EBF1: variants seen among roughly 807,000 people sequenced by gnomAD.
EBF1 encodes transcription factor COE1.
Under a neutral mutation model 68.4 loss-of-function variants are expected in EBF1, and 10 were observed. That is an observed-to-expected ratio of 0.15 (90% CI 0.09 to 0.25). The LOEUF is 0.25. EBF1 is among the 10% of genes least tolerant of loss of function. The pLI is 1.00. For synonymous variants in EBF1, 298 were observed against 299.8 expected, an observed-to-expected ratio of 0.99 and a Z score of 0.06; for missense variants, 509 against 794.4, an observed-to-expected ratio of 0.64 and a Z score of 4.32.
At chr5:159,041,331 A>C (rs1771160951) in intron 6 of EBF1, among the ~76,000 whole-genome samples, 1 of 152,182 alleles carries the variant, frequency 6.6e-6, no homozygotes, top group African/African-American at 2.4e-5. Context: ...TTCTCAGAGG[A>C]ATAGGTTTTT....
chr5:159,077,402 C>T (rs534168602), intron 5 of EBF1, among the ~76,000 whole-genome samples: 1 of 152,226 alleles, frequency 6.6e-6, no homozygotes, highest in Non-Finnish European at 1.5e-5. Context: ...TCGTGCCATT[C>T]CAGCCTGGGT....
chr5:159,088,161 AT>A (rs1461831464), intron 4 of EBF1, among the ~76,000 whole-genome samples: 1 of 152,148 alleles, frequency 6.6e-6, no homozygotes, highest in African/African-American at 2.4e-5. Context: ...ACTGAAAAGT[AT>A]TGTTAAACAC....
At chr5:158,808,307 T>C (rs1463264056) in intron 8 of EBF1, among the ~76,000 whole-genome samples, 2 of 152,178 alleles carry the variant, frequency 1.3e-5, no homozygotes, top group Non-Finnish European at 2.9e-5. Flanking sequence ...CGCACTTGCC[T>C]GTTTGTGATT....
chr5:158,956,259 T>A (rs1417890959), intron 6 of EBF1, among the ~76,000 whole-genome samples: 1 of 152,154 alleles, frequency 6.6e-6, no homozygotes, highest in African/African-American at 2.4e-5. Context: ...TGCTGCAGTT[T>A]CCTTTCACTG....
intron 6 of EBF1, among the ~76,000 whole-genome samples, chr5:158,919,685 G>T (rs1327142547): frequency 2.0e-5 from 3 of 152,132 alleles, no homozygotes; most frequent in African/African-American, 7.2e-5. Flanking sequence ...TGGGGACAAA[G>T]GATAGGAATA....
intron 6 of EBF1, among the ~76,000 whole-genome samples, chr5:158,894,849 C>T (rs910814166): frequency 1.3e-5 from 2 of 152,120 alleles, no homozygotes; most frequent in Non-Finnish European, 2.9e-5. Flanking sequence ...AGTATCAATT[C>T]GCCCACATCT....
chr5:158,872,989 G>T (rs1171814269), intron 6 of EBF1, among the ~76,000 whole-genome samples: 1 of 131,554 alleles, frequency 7.6e-6, no homozygotes, highest in Admixed American at 7.9e-5. Flanking sequence ...AGTCAAGAAT[G>T]ACACTAATTT....
intron 8 of EBF1, among the ~76,000 whole-genome samples, chr5:158,816,387 G>A (rs1783742778): frequency 6.6e-6 from 1 of 152,230 alleles, no homozygotes; most frequent in Non-Finnish European, 1.5e-5. Flanking sequence ...AAATGCACAT[G>A]GACAAGTACA....
rs560874268 is a variant in EBF1, at chr5:158,961,417, T to A, written c.554+111979A>T. 2.6e-5 allele frequency among the ~76,000 whole-genome samples: 4 copies of A among 152,312 alleles called. No homozygotes were observed. The East Asian group carries it at 7.7e-4, about 29-fold the overall frequency. On this transcript the variant is annotated intron_variant, in intron 6 of 15. Transcript: ENST00000313708. ...AAAAAATTGAAAACTGACTACAGAC[T>A]CTACAACAGAGTAAATAACTTATAG...
At position 158,731,171 on chromosome 5, in the gene EBF1, G is replaced by A; in HGVS notation, c.1037-14C>T. 1 of 1,612,410 alleles carries A rather than the reference G, an allele frequency of 6.2e-7. No individual in the cohort carries two copies. The stretch of plus-strand genomic sequence containing the variant: ...GTTCGTTGAGCGCTGCAATAAAGAA[G>A]TCACACAATTAGTACATTTTCAAGA... On this transcript the variant is annotated splice_polypyrimidine_tract_variant and intron_variant, in intron 10 of 15. Coordinates refer to ENST00000313708, the MANE Select transcript of EBF1 (RefSeq NM_024007.5).
At chr5:158,871,808 G>A (rs898623000) in intron 6 of EBF1, among the ~76,000 whole-genome samples, 86 of 152,264 alleles carry the variant, frequency 5.6e-4, no homozygotes, top group African/African-American at 1.9e-3. Context: ...CTCAGACCTA[G>A]CCTTACGATC....
intron 6 of EBF1, among the ~76,000 whole-genome samples, chr5:158,998,033 A>G (rs1344512186): frequency 3.3e-5 from 5 of 152,118 alleles, no homozygotes. Flanking sequence ...TCAATTCAGG[A>G]CACTGACCTC....
intron 6 of EBF1, among the ~76,000 whole-genome samples, chr5:159,033,625 G>A (rs1309159161): frequency 6.6e-6 from 1 of 152,212 alleles, no homozygotes; most frequent in African/African-American, 2.4e-5. Flanking sequence ...ATGTAGTTGT[G>A]CCTGGGATGC....
intron 6 of EBF1, among the ~76,000 whole-genome samples, chr5:158,887,452 T>C (rs1015990058): frequency 6.6e-6 from 1 of 152,198 alleles, no homozygotes; most frequent in Non-Finnish European, 1.5e-5. Flanking sequence ...GTAATGTTGT[T>C]GCAAAATTCT....
chr5:159,089,787 A>T (rs1332013066), intron 4 of EBF1, among the ~76,000 whole-genome samples: 2 of 151,932 alleles, frequency 1.3e-5, no homozygotes, highest in African/African-American at 4.8e-5. Context: ...AGGAAAAAGA[A>T]AAAAGAAAAG....
chr5:158,906,094 G>T (rs139614084), intron 6 of EBF1, among the ~76,000 whole-genome samples: 1 of 152,168 alleles, frequency 6.6e-6, no homozygotes, highest in African/African-American at 2.4e-5. Flanking sequence ...GCTTTACCAT[G>T]AGGGGAAGGT....
intron 6 of EBF1, among the ~76,000 whole-genome samples, chr5:159,009,538 A>G (rs183118351): frequency 2.5e-4 from 38 of 152,324 alleles, no homozygotes; most frequent in African/African-American, 9.1e-4. Context: ...CATACTATGA[A>G]TACGAAAAAG....
chr5:158,939,889 C>T (rs942894745), intron 6 of EBF1, among the ~76,000 whole-genome samples: 4 of 152,110 alleles, frequency 2.6e-5, no homozygotes, highest in African/African-American at 9.7e-5. Flanking sequence ...CTAACAAACA[C>T]CATGGATTAT....
chr5:158,746,661 C>T lies in EBF1; in HGVS notation c.1037-15504G>A, dbSNP rs560744234. Among the ~76,000 whole-genome samples, 92 of 152,194 alleles carry T rather than the reference C, an allele frequency of 6.0e-4. 1 individual carries two copies. The South Asian group carries it at 0.018, about 30-fold the overall frequency. ...AAACCAACAAGGAAAAAAAAAGTGA[C>T]CTTCCTTCTATACTCTCTCTATAAT... On this transcript the variant is annotated intron_variant, in intron 10 of 15. Coordinates refer to ENST00000313708, the MANE Select transcript of EBF1 (RefSeq NM_024007.5).
Sources: gnomAD v4.1 joint callset for allele counts (sites outside exome capture counted in the v4.1 genomes callset) on GRCh38, gnomAD v4.1.1 for gene constraint, MANE v1.5 for transcripts, NCBI Gene and HGNC (gene_info 2026-07-23, HGNC 2026-07-21) for gene names.